Variants in PDE1C observed in about 807,000 individuals in gnomAD.
PDE1C encodes dual specificity calcium/calmodulin-dependent 3',5'-cyclic nucleotide phosphodiesterase 1C.
A neutral mutation model predicts 93.1 loss-of-function variants in PDE1C; 62 were observed. The ratio of observed to expected loss-of-function variants is 0.67; its 90% confidence interval spans 0.54 to 0.82. The LOEUF (loss-of-function observed/expected upper bound fraction) is 0.82, where lower values mean the gene tolerates loss of function less well. Ranked by LOEUF, PDE1C falls within the 40% of genes least tolerant of loss-of-function variation. The pLI is 0.00. For missense variants in PDE1C, 742 were observed against 884.6 expected (o/e 0.84, Z 2.04); for synonymous variants, 325 against 310.1 (o/e 1.05, Z -0.50).
intron 1 of PDE1C, among the ~76,000 whole-genome samples, chr7:32,388,784 A>T (rs1784690249): frequency 6.6e-6 from 1 of 152,096 alleles, no homozygotes; most frequent in South Asian, 2.1e-4. Flanking sequence ...CAGTACAAAC[A>T]GTAGAGATTT....
intron 2 of PDE1C, among the ~76,000 whole-genome samples, chr7:31,995,615 CT>C (rs949154329): frequency 2.6e-5 from 4 of 152,024 alleles, no homozygotes; most frequent in Admixed American, 2.0e-4. Context: ...TAGATTTTGG[CT>C]TTGGCAAAAT....
At chr7:31,809,190 GA>G in intron 15 of PDE1C, 82 bp from the exon 16 acceptor site, 1 of 755,058 alleles carries the variant, frequency 1.3e-6, no homozygotes, top group Non-Finnish European at 2.4e-6. Context: ...GCCAAGTTTT[GA>G]AAAAGTGCAG....
chr7:31,906,187 T>C (rs954253290), intron 2 of PDE1C, among the ~76,000 whole-genome samples: 15 of 152,238 alleles, frequency 9.9e-5, no homozygotes, highest in Non-Finnish European at 2.1e-4. Flanking sequence ...TTCTTCTCTT[T>C]ATGTTAAACA....
In PDE1C at chr7:31,848,019, T is replaced by C; in HGVS notation, c.929A>G (p.Gln310Arg). 6.2e-7 allele frequency: 1 copy of C among 1,612,970 alleles called. No individual in the cohort carries two copies. Among genetic ancestry groups the C allele is most frequent in the Non-Finnish European group, 8.5e-7 (1 of 1,179,308 alleles). The change falls in exon 9 of 18, where the codon CAA becomes CGA. Residue 310 changes from glutamine to arginine, a missense_variant. Around this residue, in one of 4 missense-constraint regions of PDE1C, gnomAD observed 205 missense variants for 295.3 expected, o/e 0.69. Transcript: ENST00000396191. Reference protein sequence around the residue: ...HHLSAAYRLLQDDEEMNILIN... With the variant: ...HHLSAAYRLLRDDEEMNILIN... Reference sequence around the variant, plus strand: ...CAAAATATTCATTTCCTCGTCATCTTGCAGAAGGCGATAAGCTGCACTTAA... The same window carrying C: ...CAAAATATTCATTTCCTCGTCATCTCGCAGAAGGCGATAAGCTGCACTTAA...
At chr7:31,628,654 C>T in the PDE1C span, among the ~76,000 whole-genome samples, 2 of 152,090 alleles carry the variant, frequency 1.3e-5, no homozygotes, top group East Asian at 3.9e-4. Context: ...GACAGGGTTT[C>T]ACCGTGTTAG....
At chr7:31,905,286 T>A (rs1583889163) in intron 2 of PDE1C, among the ~76,000 whole-genome samples, 1 of 152,286 alleles carries the variant, frequency 6.6e-6, no homozygotes, top group East Asian at 1.9e-4. Flanking sequence ...TATTTAAGTA[T>A]CATCACTCTA....
chr7:31,850,673 G>A lies in PDE1C; in HGVS notation c.819C>T (p.Thr273=), dbSNP rs758775742. The A allele has an allele frequency of 2.4e-5, 38 of 1,613,160 alleles. No individual in the cohort carries two copies. The highest frequency in any genetic ancestry group is 4.5e-5 in the East Asian group (2 of 44,832). ...FSAAIHDYEH[T]GTTNNFHIQT... is the part of the protein sequence containing the mutation. ...GAATGTGGAAATTGTTGGTGGTTCC[G>A]GTATGCTCGTAGTCATGGATGGCAG... The change falls in exon 8 of 18, where the codon ACC becomes ACT. Residue 273 remains threonine, a synonymous_variant. Coordinates refer to ENST00000396191, the MANE Select transcript of PDE1C (RefSeq NM_001191057.4).
rs541734439 is a variant in PDE1C, at chr7:32,140,152, C to T, written c.308+29633G>A. 4.6e-5 allele frequency among the ~76,000 whole-genome samples: 7 copies of T among 152,278 alleles called. No individual in the cohort carries two copies. The East Asian group carries it at 1.4e-3, about 29-fold the overall frequency. ...CCATCTATTAAGTGCTGGATAGGCA[C>T]TTAACAGGCATTATTTCATTTAATC... On this transcript the variant is annotated intron_variant, in intron 3 of 18. Transcript: ENST00000396193.
intron 7 of PDE1C, among the ~76,000 whole-genome samples, chr7:31,856,330 G>A (rs547061996): frequency 6.6e-6 from 1 of 152,194 alleles, no homozygotes; most frequent in Non-Finnish European, 1.5e-5. Context: ...AGAGTAGGTA[G>A]GAAATAGTTT....
At chr7:32,014,215 C>T (rs889740339) in intron 2 of PDE1C, among the ~76,000 whole-genome samples, 2 of 151,868 alleles carry the variant, frequency 1.3e-5, no homozygotes, top group African/African-American at 2.4e-5. Context: ...CTCTGGAAAA[C>T]GAAATAAGGA....
intron 1 of PDE1C, among the ~76,000 whole-genome samples, chr7:32,053,992 A>G (rs906051167): frequency 3.3e-5 from 5 of 152,008 alleles, no homozygotes; most frequent in Admixed American, 1.3e-4. Context: ...GCAGAAACAG[A>G]GGGCATGCCT....
chr7:32,066,026 C>T (rs1795359074), intron 1 of PDE1C, among the ~76,000 whole-genome samples: 1 of 152,218 alleles, frequency 6.6e-6, no homozygotes. Flanking sequence ...GCCTCACTGC[C>T]TCCTATCATA....
At chr7:32,005,383 T>C (rs1489414978) in intron 2 of PDE1C, among the ~76,000 whole-genome samples, 1 of 151,614 alleles carries the variant, frequency 6.6e-6, no homozygotes, top group Non-Finnish European at 1.5e-5. Context: ...GGTGAAATCC[T>C]GTCTCTACTA....
At chr7:31,826,840 T>C (rs1789732375) in intron 12 of PDE1C, among the ~76,000 whole-genome samples, 1 of 152,180 alleles carries the variant, frequency 6.6e-6, no homozygotes, top group African/African-American at 2.4e-5. Context: ...ACTTTATCTG[T>C]AAAGGACCAG....
At chr7:32,067,351 A>G (rs902180772) in intron 1 of PDE1C, among the ~76,000 whole-genome samples, 2 of 152,222 alleles carry the variant, frequency 1.3e-5, no homozygotes, top group Admixed American at 6.5e-5. Flanking sequence ...CCCTGTCTTC[A>G]TGGGGCTTAT....
Position 31,775,720 on chromosome 7 carries a change from C to A in PDE1C, c.1904G>T (p.Arg635Leu). 1.9e-6 allele frequency: 3 copies of A among 1,612,730 alleles called. No individual in the cohort carries two copies. The highest frequency in any genetic ancestry group is 1.7e-5 in the Admixed American group (1 of 60,004). The part of the protein sequence containing the change: ...DSKKTDGTKQ[R>L]SHGSPAPSTS... The stretch of plus-strand genomic sequence containing the variant: ...GCTTGGGGCTGGTGAGCCGTGAGAA[C>A]GCTGTTTTGTGCCTGTGAAGAGGAA... Residue 635 changes from arginine (R) to leucine (L), a missense_variant, in exon 17 of 18, where the codon CGT becomes CTT. Physicochemically the swap from Arg to Leu is moderately radical, Grantham distance 102. This residue lies in a region of PDE1C where 454 missense variants were observed against 459.4 expected (regional missense o/e 0.99). Coordinates refer to ENST00000396191, the MANE Select transcript of PDE1C (RefSeq NM_001191057.4).
chr7:32,340,274 A>C (rs1783723125), intron 1 of PDE1C, among the ~76,000 whole-genome samples: 1 of 152,188 alleles, frequency 6.6e-6, no homozygotes, highest in South Asian at 2.1e-4. Context: ...CAAGGAAATA[A>C]AGAGTTCCCA....
At chr7:32,070,677 G>T, upstream of PDE1C, 1 of 1,299,002 alleles carries the variant, frequency 7.7e-7, no homozygotes, top group East Asian at 3.5e-5. Flanking sequence ...GATAGGGATT[G>T]GGATTGGACT....
intron 3 of PDE1C, among the ~76,000 whole-genome samples, chr7:32,161,408 T>G (rs1002959303): frequency 6.6e-6 from 1 of 152,202 alleles, no homozygotes; most frequent in African/African-American, 2.4e-5. Context: ...CATAGCTTAT[T>G]GGTGCTACCT....
Sources: allele counts gnomAD v4.1 joint callset (sites outside exome capture counted in the v4.1 genomes callset), GRCh38; gene constraint gnomAD v4.1.1; regional missense constraint gnomAD v4.1.1; transcripts MANE v1.5; gene names NCBI Gene and HGNC (gene_info 2026-07-23, HGNC 2026-07-21).